The following NXPE1 variants were observed in gnomAD, a reference collection of about 807,000 sequenced individuals.
The protein encoded by NXPE1 is neurexophilin and PC-esterase domain family member 1.
A neutral mutation model predicts 33.3 loss-of-function variants in NXPE1; 31 were observed. The observed-to-expected ratio is 0.93, with a 90% CI of 0.70 to 1.26. NXPE1 has a LOEUF of 1.26. Among genes scored for constraint, NXPE1 ranks in the 50% most tolerant of loss-of-function variants. The pLI is 0.00. For missense variants in NXPE1, 661 were observed against 655.6 expected, an observed-to-expected ratio of 1.01 and a Z score of -0.09; for synonymous variants, 229 against 231.4, an observed-to-expected ratio of 0.99 and a Z score of 0.09.
rs140151428 is a variant in NXPE1, at chr11:114,532,242, A to T, written c.100-1334T>A. Among the ~76,000 whole-genome samples, 47 of 152,320 alleles carry T rather than the reference A, an allele frequency of 3.1e-4. 1 individual carries two copies. Among genetic ancestry groups the T allele is most frequent in the African/African-American group, 8.7e-4 (36 of 41,566 alleles). ...ATATCATTTAAAAAAGATGAACAGA[A>T]CCCACATTGAAGTTTTGAAAAAACC... is the stretch of plus-strand genomic sequence containing the variant. On this transcript the variant is annotated intron_variant, in intron 5 of 8. Coordinates refer to ENST00000534921, the Ensembl canonical transcript of NXPE1.
chr11:114,554,441 C>T (rs1948602431), intron 1 of NXPE1: 1 of 932,650 alleles, frequency 1.1e-6, no homozygotes, highest in African/African-American at 1.8e-5. Flanking sequence ...TGACATGGGC[C>T]CTTTGATAAT....
intron 5 of NXPE1, among the ~76,000 whole-genome samples, chr11:114,538,710 A>C (rs1433660122): frequency 1.3e-5 from 2 of 152,228 alleles, no homozygotes; most frequent in Non-Finnish European, 2.9e-5. Context: ...CCATCAGAGA[A>C]ATGCAAATCA....
At chr11:114,539,327 A>G (rs1389025502) in intron 5 of NXPE1, among the ~76,000 whole-genome samples, 3 of 152,048 alleles carry the variant, frequency 2.0e-5, no homozygotes, top group African/African-American at 7.2e-5. Flanking sequence ...AGATATACCT[A>G]TTGCTAAATG....
intron 5 of NXPE1, among the ~76,000 whole-genome samples, chr11:114,538,395 A>C (rs1947932579): frequency 6.6e-6 from 1 of 152,202 alleles, no homozygotes; most frequent in African/African-American, 2.4e-5. Flanking sequence ...TAAAACACCA[A>C]AAGCAATGGC....
intron 6 of NXPE1, chr11:114,529,575 A>C (rs561381391): frequency 1.3e-5 from 2 of 152,676 alleles, no homozygotes; most frequent in East Asian, 3.9e-4. Context: ...GTTTGCAGGA[A>C]TCACTAGGTC....
At position 114,534,355 on chromosome 11, in the gene NXPE1, G is replaced by A. The variant is rs564465462; in HGVS notation, c.100-3447C>T. Among the ~76,000 whole-genome samples, 398 of 152,202 alleles carry A rather than the reference G, an allele frequency of 2.6e-3. 1 individual carries two copies. Among genetic ancestry groups the A allele is most frequent in the Middle Eastern group, 0.024 (7 of 294 alleles). On this transcript the variant is annotated intron_variant, in intron 5 of 8. Transcript: ENST00000534921. ...GGGGAAAAAACAGAGCAGAAAAACC[G>A]GAAACTCTAAAAATCAGAGCGCCTC...
At chr11:114,523,513 G>A (rs1053603678) in intron 7 of NXPE1, among the ~76,000 whole-genome samples, 18 of 151,974 alleles carry the variant, frequency 1.2e-4, no homozygotes, top group East Asian at 7.7e-4. Context: ...TAATTTTTCC[G>A]TGTTCAAAAA....
At chr11:114,526,910 C>T (rs1350212563) in intron 7 of NXPE1, among the ~76,000 whole-genome samples, 1 of 152,166 alleles carries the variant, frequency 6.6e-6, no homozygotes, top group Non-Finnish European at 1.5e-5. Context: ...CAACACTACC[C>T]ATGATCTTTA....
In NXPE1 at chr11:114,551,366, C is replaced by A; in HGVS notation, c.-11+17G>T. 7.1e-7 allele frequency: 1 copy of A among 1,404,702 alleles called. No homozygotes were observed. The highest frequency in any genetic ancestry group is 1.5e-5 in the African/African-American group (1 of 68,894). 87.0% of individuals were successfully genotyped at this position (1,404,702 alleles called of 1,614,324 possible). ...CTCTGCTAACTAACAACTCATACCC[C>A]CAATCCCTTTGTCTACCTATTGGAT... On this transcript the variant is annotated intron_variant, in intron 4 of 8. Coordinates refer to ENST00000534921, the Ensembl canonical transcript of NXPE1.
chr11:114,522,958 A>G, exon 8 of NXPE1: 2 of 1,613,758 alleles, frequency 1.2e-6, no homozygotes, highest in Non-Finnish European at 1.7e-6. Context: ...TGCCTTTCAA[A>G]CAGCCATTTA....
exon 9 of NXPE1, chr11:114,522,158 A>G (rs778844080): frequency 1.4e-5 from 22 of 1,613,902 alleles, no homozygotes; most frequent in Non-Finnish European, 1.8e-5. Context: ...CTCTGTCTCT[A>G]TGTGCATCTC....
At chr11:114,552,854 A>G (rs979732856) in exon 2 of NXPE1, 37 of 975,680 alleles carry the variant, frequency 3.8e-5, no homozygotes, top group Non-Finnish European at 4.3e-5. Flanking sequence ...GTACTTACCC[A>G]ATAGGTGTCA....
At chr11:114,522,769 GAGCCA>G in intron 8 of NXPE1, 105 bp downstream of exon 8, 1 of 754,964 alleles carries the variant, frequency 1.3e-6, no homozygotes, top group South Asian at 1.8e-5. Context: ...CAAATCCAGA[GAGCCA>G]AATGAAGTAA....
exon 6 of NXPE1, chr11:114,530,666 C>T: frequency 6.2e-7 from 1 of 1,614,196 alleles, no homozygotes; most frequent in Non-Finnish European, 8.5e-7. Flanking sequence ...GCTGGTCTCC[C>T]CTGCAGTATG....
At chr11:114,552,140 C>A (rs1948508992) in intron 2 of NXPE1, 55 bp from the exon 3 acceptor site, 1 of 152,126 alleles carries the variant, frequency 6.6e-6, no homozygotes, top group African/African-American at 2.4e-5. Context: ...AGTTGGTTAA[C>A]CTTTGGGAAG....
At chr11:114,541,132 A>G (rs1948085693) in intron 5 of NXPE1, among the ~76,000 whole-genome samples, 1 of 152,062 alleles carries the variant, frequency 6.6e-6, no homozygotes, top group Non-Finnish European at 1.5e-5. Flanking sequence ...AGTTGAACCA[A>G]GTTAATCGAT....
At chr11:114,555,182 GT>G (rs1186243857) in intron 1 of NXPE1, among the ~76,000 whole-genome samples, 1 of 151,762 alleles carries the variant, frequency 6.6e-6, no homozygotes, top group South Asian at 2.1e-4. Context: ...TTTCAGTTTT[GT>G]TTTTACAGCA....
chr11:114,554,260 G>T lies in NXPE1; in HGVS notation c.-210-1380C>A, dbSNP rs1039455979. The T allele has an allele frequency of 4.1e-6, 4 of 975,180 alleles. No homozygotes were observed. In the African/African-American group the frequency reaches 7.0e-5, roughly 17 times the overall value. The allele number at this position is 975,180 out of a possible 1,614,324, so 60.4% of individuals were successfully genotyped here. ...TTCCTGGCCTCTATTGTATTTGACT[G>T]TGGCCAGGACACTGAGTTCTCTGAT... On this transcript the variant is annotated intron_variant, in intron 1 of 8. Coordinates refer to ENST00000534921, the Ensembl canonical transcript of NXPE1.
At chr11:114,530,690 G>A (rs1411967770) in exon 6 of NXPE1, 1 of 1,614,190 alleles carries the variant, frequency 6.2e-7, no homozygotes. Flanking sequence ...CTCGAGGGTT[G>A]AGGATGGTGG....
Sources: gnomAD v4.1 joint callset for allele counts (sites outside exome capture counted in the v4.1 genomes callset) on GRCh38, gnomAD v4.1.1 for gene constraint, MANE v1.5 for transcripts, NCBI Gene and HGNC (gene_info 2026-07-23, HGNC 2026-07-21) for gene names.